Variants in RBFOX1 observed in about 807,000 individuals in gnomAD.
RBFOX1 encodes the protein RNA binding fox-1 homolog 1, also known as RNA binding protein fox-1 homolog 1.
Under a neutral mutation model 57.7 loss-of-function variants are expected in RBFOX1, and 8 were observed. That is an observed-to-expected ratio of 0.14 (90% CI 0.08 to 0.25). The LOEUF (loss-of-function observed/expected upper bound fraction) is 0.25. RBFOX1 is among the 10% of genes least tolerant of loss of function. RBFOX1 has a pLI of 1.00. For synonymous variants in RBFOX1, 326 were observed against 222.4 expected, an observed-to-expected ratio of 1.47 and a Z score of -4.15; for missense variants, 611 against 548.5, an observed-to-expected ratio of 1.11 and a Z score of -1.14.
At chr16:6,405,086 A>T (rs2093227647) in intron 2 of RBFOX1, among the ~76,000 whole-genome samples, 1 of 152,226 alleles carries the variant, frequency 6.6e-6, no homozygotes, top group South Asian at 2.1e-4. Flanking sequence ...TGTGAGCCCA[A>T]CATTCTCATG....
intron 3 of RBFOX1, among the ~76,000 whole-genome samples, chr16:5,799,474 A>C (rs570167282): frequency 6.6e-6 from 1 of 152,348 alleles, no homozygotes; most frequent in African/African-American, 2.4e-5. Flanking sequence ...TTTTTCAACT[A>C]TATAATGATA....
At chr16:6,483,800 G>T in intron 2 of RBFOX1, 1 of 1,375,084 alleles carries the variant, frequency 7.3e-7, no homozygotes, top group Non-Finnish European at 9.4e-7. Context: ...GTGGCGGCGT[G>T]TGCGCCTCCG....
chr16:5,875,796 A>C (rs2057592895), intron 4 of RBFOX1, among the ~76,000 whole-genome samples: 1 of 151,856 alleles, frequency 6.6e-6, no homozygotes, highest in Admixed American at 6.6e-5. Context: ...TATTTGAAAA[A>C]CTAGGTATCT....
intron 1 of RBFOX1, among the ~76,000 whole-genome samples, chr16:6,266,105 C>T (rs923276956): frequency 1.3e-5 from 2 of 152,134 alleles, no homozygotes; most frequent in African/African-American, 4.8e-5. Flanking sequence ...CACTTCTGGG[C>T]GGAAGCTTTA....
intron 3 of RBFOX1, among the ~76,000 whole-genome samples, chr16:6,695,247 C>T (rs2060841469): frequency 6.6e-6 from 1 of 151,788 alleles, no homozygotes. Flanking sequence ...GGGTGAAACT[C>T]CGTCTCTACT....
intron 3 of RBFOX1, among the ~76,000 whole-genome samples, chr16:6,992,025 CTA>C (rs140579332): frequency 0.012 from 1,854 of 152,276 alleles, 32 homozygotes; most frequent in African/African-American, 0.042. Context: ...ACCTTGAAAA[CTA>C]TTGTCAGAGT....
intron 3 of RBFOX1, among the ~76,000 whole-genome samples, chr16:6,987,013 T>G (rs1000577937): frequency 1.4e-4 from 22 of 152,158 alleles, no homozygotes; most frequent in African/African-American, 5.3e-4. Flanking sequence ...TAGTCCATTC[T>G]GAGTGGAATG....
At chr16:6,991,136 CAAAAAAAAAAAA>C (rs35889519) in intron 3 of RBFOX1, among the ~76,000 whole-genome samples, 939 of 53,112 alleles carry the variant, frequency 0.018, 13 homozygotes, top group East Asian at 0.036. Flanking sequence ...ATTGTCTCTC[CAAAAAAAAAAAA>C]AAAAAAAAAA....
intron 4 of RBFOX1, among the ~76,000 whole-genome samples, chr16:7,214,465 C>G (rs1361620540): frequency 6.6e-6 from 1 of 152,020 alleles, no homozygotes; most frequent in Non-Finnish European, 1.5e-5. Context: ...TGCCATGCCT[C>G]TCCGATCCAT....
intron 1 of RBFOX1, among the ~76,000 whole-genome samples, chr16:5,377,678 C>T (rs1400039671): frequency 1.3e-5 from 2 of 151,286 alleles, no homozygotes; most frequent in South Asian, 2.1e-4. Context: ...AAGTTGAATG[C>T]GGACCTAGAG....
chr16:7,411,576 G>A (rs557455681), intron 4 of RBFOX1, among the ~76,000 whole-genome samples: 9 of 152,260 alleles, frequency 5.9e-5, no homozygotes, highest in Admixed American at 3.9e-4. Flanking sequence ...GAGGGACATC[G>A]TGCAAAATAT....
intron 2 of RBFOX1, among the ~76,000 whole-genome samples, chr16:5,535,728 C>G (rs532895331): frequency 8.8e-4 from 134 of 152,330 alleles, no homozygotes; most frequent in African/African-American, 3.2e-3. Context: ...GTTTCCCTAT[C>G]AAGCCAAGTG....
intron 4 of RBFOX1, among the ~76,000 whole-genome samples, chr16:5,923,802 A>C (rs974104509): frequency 1.3e-5 from 2 of 151,728 alleles, no homozygotes; most frequent in Non-Finnish European, 2.9e-5. Context: ...CAGCCTCCCA[A>C]AGTGCTGGGA....
Position 6,815,205 on chromosome 16 carries a change from C to G in RBFOX1, c.-16+160555C>G, listed in dbSNP as rs1209420891. 2.0e-5 allele frequency among the ~76,000 whole-genome samples: 3 copies of G among 152,130 alleles called. No individual in the cohort carries two copies. In the East Asian group the frequency reaches 5.8e-4, roughly 29 times the overall value. On this transcript the variant is annotated intron_variant, in intron 3 of 15. Coordinates refer to ENST00000550418, the MANE Select transcript of RBFOX1 (RefSeq NM_018723.4). ...GAGCATGCAAGTGCTTTATAATTAGCATATAGTGAAGAGTGAGGATGACCA... is the reference window on the plus strand; with the variant it reads ...GAGCATGCAAGTGCTTTATAATTAGGATATAGTGAAGAGTGAGGATGACCA...
chr16:6,572,886 G>C (rs1263575169), intron 2 of RBFOX1, among the ~76,000 whole-genome samples: 11 of 152,070 alleles, frequency 7.2e-5, no homozygotes, highest in Non-Finnish European at 1.6e-4. Flanking sequence ...GATCCCGCAT[G>C]CCCAGCCATC....
chr16:6,048,247 G>A (rs138533987), intron 1 of RBFOX1, among the ~76,000 whole-genome samples: 1 of 152,322 alleles, frequency 6.6e-6, no homozygotes, highest in African/African-American at 2.4e-5. Context: ...GCTTGGCTGA[G>A]CGATAGGATT....
chr16:7,217,440 A>G (rs1004505439), intron 4 of RBFOX1, among the ~76,000 whole-genome samples: 1 of 151,782 alleles, frequency 6.6e-6, no homozygotes, highest in Non-Finnish European at 1.5e-5. Context: ...GGAAAACTAC[A>G]GCAGGATTTA....
intron 2 of RBFOX1, among the ~76,000 whole-genome samples, chr16:6,586,384 C>G (rs1392656690): frequency 6.6e-6 from 1 of 152,168 alleles, no homozygotes; most frequent in Non-Finnish European, 1.5e-5. Flanking sequence ...CAGTAGTAAT[C>G]TATCTCCAGT....
At chr16:6,699,539 G>T (rs1028234294) in intron 3 of RBFOX1, among the ~76,000 whole-genome samples, 1 of 152,102 alleles carries the variant, frequency 6.6e-6, no homozygotes, top group African/African-American at 2.4e-5. Flanking sequence ...TGACTGGTTG[G>T]GCACTCCAGT....
Sources: gnomAD v4.1 joint callset for allele counts (sites outside exome capture counted in the v4.1 genomes callset) on GRCh38, gnomAD v4.1.1 for gene constraint, MANE v1.5 for transcripts, NCBI Gene and HGNC (gene_info 2026-07-23, HGNC 2026-07-21) for gene names.